Variants in ELP4 observed in about 807,000 individuals in gnomAD.
The protein encoded by ELP4 is elongator acetyltransferase complex subunit 4.
A neutral mutation model predicts 48.9 loss-of-function variants in ELP4; 51 were observed. The ratio of observed to expected loss-of-function variants is 1.04; its 90% CI spans 0.83 to 1.32. ELP4 has a LOEUF of 1.32. ELP4 is among the 40% of genes most tolerant of loss of function. The pLI is 0.00. For missense variants in ELP4, 519 were observed against 514.6 expected (o/e 1.01, Z -0.08); for synonymous variants, 210 against 189.2 (o/e 1.11, Z -0.90).
chr11:31,683,425 G>A (rs1201158736), intron 9 of ELP4, among the ~76,000 whole-genome samples: 1 of 152,080 alleles, frequency 6.6e-6, no homozygotes, highest in Non-Finnish European at 1.5e-5. Flanking sequence ...GTGTTAAAAC[G>A]ACCATACTGT....
At chr11:31,711,957 A>G (rs934453155) in intron 9 of ELP4, among the ~76,000 whole-genome samples, 1 of 151,958 alleles carries the variant, frequency 6.6e-6, no homozygotes, top group Non-Finnish European at 1.5e-5. Context: ...TTTTATTAAC[A>G]CTTGTAATTT....
chr11:31,510,231 T>A, intron 1 of ELP4: 1 of 577,240 alleles, frequency 1.7e-6, no homozygotes, highest in Non-Finnish European at 3.1e-6. Context: ...TTTCATTCCC[T>A]GCCCTCCAAC....
intron 9 of ELP4, among the ~76,000 whole-genome samples, chr11:31,658,589 G>T (rs1029409322): frequency 6.6e-6 from 1 of 151,840 alleles, no homozygotes; most frequent in East Asian, 1.9e-4. Flanking sequence ...TTTTGATACA[G>T]TCTAAAAGTG....
intron 2 of ELP4, among the ~76,000 whole-genome samples, chr11:31,538,296 A>G (rs1956535936): frequency 6.7e-6 from 1 of 148,570 alleles, no homozygotes; most frequent in East Asian, 1.9e-4. Flanking sequence ...TAGAATTACA[A>G]TTCTATATAT....
At chr11:31,661,484 A>G (rs957290151) in intron 9 of ELP4, among the ~76,000 whole-genome samples, 1 of 152,076 alleles carries the variant, frequency 6.6e-6, no homozygotes, top group Non-Finnish European at 1.5e-5. Context: ...TTTATAAAGT[A>G]TCAAACTTTG....
chr11:31,677,791 A>G (rs1488691548), intron 9 of ELP4, among the ~76,000 whole-genome samples: 1 of 152,184 alleles, frequency 6.6e-6, no homozygotes, highest in East Asian at 1.9e-4. Flanking sequence ...AGTTTCCCCT[A>G]TTATTAATAT....
At chr11:31,777,277 CT>C (rs1201355688) in intron 9 of ELP4, among the ~76,000 whole-genome samples, 1 of 152,146 alleles carries the variant, frequency 6.6e-6, no homozygotes, top group African/African-American at 2.4e-5. Flanking sequence ...CATCCTCCTC[CT>C]TGTGACCCTG....
intron 9 of ELP4, among the ~76,000 whole-genome samples, chr11:31,739,266 A>G (rs185385018): frequency 1.2e-4 from 19 of 152,314 alleles, no homozygotes; most frequent in African/African-American, 4.1e-4. Context: ...GACTATAATT[A>G]ATTGAAATGC....
chr11:31,666,453 G>A (rs1197291718), intron 9 of ELP4, among the ~76,000 whole-genome samples: 1 of 152,040 alleles, frequency 6.6e-6, no homozygotes, highest in Admixed American at 6.6e-5. Flanking sequence ...CAGCACTTTG[G>A]GAGGCCAAGG....
chr11:31,773,614 A>G (rs555857976), intron 9 of ELP4, among the ~76,000 whole-genome samples: 92 of 152,354 alleles, frequency 6.0e-4, no homozygotes, highest in Non-Finnish European at 1.1e-3. Flanking sequence ...CTCAACTCCC[A>G]TGAAGCTGTT....
chr11:31,599,180 T>C (rs1957733861), intron 4 of ELP4: 1 of 152,196 alleles, frequency 6.6e-6, no homozygotes, highest in African/African-American at 2.4e-5. Flanking sequence ...GAATAGTATG[T>C]AGATTAAATA....
chr11:31,558,615 C>A (rs1056508860), intron 3 of ELP4, among the ~76,000 whole-genome samples: 1 of 152,166 alleles, frequency 6.6e-6, no homozygotes, highest in African/African-American at 2.4e-5. Context: ...ACTTAACTAG[C>A]TGCAAGACCC....
chr11:31,648,638 C>A (rs192587852), intron 8 of ELP4: 1 of 151,500 alleles, frequency 6.6e-6, no homozygotes, highest in Non-Finnish European at 1.5e-5. Flanking sequence ...TACCATACTT[C>A]TGTGGAAACC....
intron 9 of ELP4, among the ~76,000 whole-genome samples, chr11:31,695,209 G>A (rs1946373774): frequency 6.6e-6 from 1 of 152,164 alleles, no homozygotes; most frequent in African/African-American, 2.4e-5. Context: ...TAGGAGTGGT[G>A]AGAGAGGGCA....
chr11:31,527,481 T>G (rs16922209), intron 2 of ELP4, among the ~76,000 whole-genome samples: 4,350 of 152,196 alleles, frequency 0.029, 206 homozygotes, highest in African/African-American at 0.099. Context: ...TCCATTCTTC[T>G]ATATCTGTTT....
intron 9 of ELP4, among the ~76,000 whole-genome samples, chr11:31,722,711 C>CTT (rs1946994299): frequency 1.1e-5 from 1 of 88,546 alleles, no homozygotes; most frequent in South Asian, 3.3e-4. Context: ...CTCTCTTTCT[C>CTT]TCTCTCTCTC....
At chr11:31,782,949 A>T (rs917473594) in intron 9 of ELP4, among the ~76,000 whole-genome samples, 1 of 152,212 alleles carries the variant, frequency 6.6e-6, no homozygotes, top group African/African-American at 2.4e-5. Context: ...ATTCATGGGA[A>T]TCTATAATTG....
At chr11:31,758,902 A>G (rs1947887292) in intron 9 of ELP4, among the ~76,000 whole-genome samples, 1 of 152,074 alleles carries the variant, frequency 6.6e-6, no homozygotes, top group African/African-American at 2.4e-5. Context: ...TCCTAACCTA[A>G]GTGAGCCACC....
intron 9 of ELP4, among the ~76,000 whole-genome samples, chr11:31,659,614 T>C (rs905572537): frequency 1.3e-5 from 2 of 152,150 alleles, no homozygotes; most frequent in African/African-American, 2.4e-5. Flanking sequence ...GGATTCTTCA[T>C]TGAACATTTC....
Sources: gnomAD v4.1 joint callset for allele counts (sites outside exome capture counted in the v4.1 genomes callset) on GRCh38, gnomAD v4.1.1 for gene constraint, MANE v1.5 for transcripts, NCBI Gene and HGNC (gene_info 2026-07-23, HGNC 2026-07-21) for gene names.